The following GOLGA4 variants were observed in gnomAD, a reference collection of about 807,000 sequenced individuals.
The protein encoded by GOLGA4 is golgin A4.
GOLGA4 carries 169 observed loss-of-function variants against 265.9 expected under a neutral mutation model. The ratio of observed to expected loss-of-function variants is 0.64; its 90% CI spans 0.56 to 0.72. GOLGA4 has a LOEUF of 0.72. Among genes scored for constraint, GOLGA4 ranks in the 30% least tolerant of loss-of-function variants. The probability of loss-of-function intolerance (pLI) is 0.00; values close to 1 mark genes in which losing one functional copy is unlikely to be tolerated. For missense variants in GOLGA4, 2,482 were observed against 2,483.4 expected, an observed-to-expected ratio of 1.00 and a Z score of 0.01; for synonymous variants, 923 against 855.8, an observed-to-expected ratio of 1.08 and a Z score of -1.37.
chr3:37,250,617 C>T (rs749604573), intron 1 of GOLGA4: 1 of 152,122 alleles, frequency 6.6e-6, no homozygotes, highest in Non-Finnish European at 1.5e-5. Flanking sequence ...GGTAAGATAT[C>T]ATGACTCATT....
intron 2 of GOLGA4, among the ~76,000 whole-genome samples, chr3:37,253,698 C>T (rs2096740218): frequency 6.6e-6 from 1 of 151,680 alleles, no homozygotes; most frequent in Non-Finnish European, 1.5e-5. Context: ...TTAAAGCATC[C>T]TAGATTTTTA....
chr3:37,294,028 G>T (rs962777840), intron 5 of GOLGA4, among the ~76,000 whole-genome samples: 2 of 152,088 alleles, frequency 1.3e-5, no homozygotes, highest in East Asian at 1.9e-4. Context: ...TGAAACCACC[G>T]TCATATGTGT....
intron 18 of GOLGA4, 115 bp downstream of exon 18, chr3:37,337,278 C>A (rs765303634): frequency 1.2e-5 from 8 of 645,666 alleles, no homozygotes; most frequent in Non-Finnish European, 2.2e-5. Context: ...TGGCTCACTG[C>A]AACCTCTGCC....
intron 20 of GOLGA4, among the ~76,000 whole-genome samples, chr3:37,340,839 T>C (rs2097031242): frequency 6.6e-6 from 1 of 152,150 alleles, no homozygotes; most frequent in Non-Finnish European, 1.5e-5. Flanking sequence ...ACAATGAATA[T>C]ATTTTACCTT....
chr3:37,346,459 A>G (rs887642427), intron 20 of GOLGA4, among the ~76,000 whole-genome samples: 1 of 152,140 alleles, frequency 6.6e-6, no homozygotes, highest in African/African-American at 2.4e-5. Flanking sequence ...TTTATCTAAT[A>G]TTATTTTGAG....
intron 5 of GOLGA4, 37 bp downstream of exon 5, chr3:37,289,328 T>G (rs747883554): frequency 1.7e-6 from 2 of 1,211,788 alleles, no homozygotes; most frequent in South Asian, 1.3e-5. Context: ...AAATAGTAAT[T>G]AAATCTCATA....
chr3:37,294,434 G>A lies in GOLGA4; in HGVS notation c.583-545G>A, dbSNP rs567096577. ...CAAGCCTCACTCTATTACCCAGGCT[G>A]GAGTGCAGTGGCAAGCCTCAACTCA... On this transcript the variant is annotated intron_variant, in intron 5 of 23. Transcript: ENST00000361924. Among the ~76,000 whole-genome samples the A allele has an allele frequency of 1.1e-3, 161 of 147,008 alleles. 1 individual carries two copies. Among genetic ancestry groups the A allele is most frequent in the African/African-American group, 3.9e-3 (156 of 39,822 alleles).
intron 2 of GOLGA4, chr3:37,275,989 C>T (rs2096816863): frequency 6.2e-7 from 1 of 1,613,476 alleles, no homozygotes; most frequent in South Asian, 1.1e-5. Context: ...CATCGCAGAA[C>T]AGCCCTGAGG....
intron 7 of GOLGA4, among the ~76,000 whole-genome samples, chr3:37,298,473 T>C (rs1319726165): frequency 1.3e-5 from 2 of 152,168 alleles, no homozygotes; most frequent in Non-Finnish European, 2.9e-5. Context: ...CAAGCAGTGA[T>C]ATTAGGAGCA....
At chr3:37,305,597 T>C (rs1162125095) in intron 10 of GOLGA4, among the ~76,000 whole-genome samples, 1 of 152,176 alleles carries the variant, frequency 6.6e-6, no homozygotes, top group African/African-American at 2.4e-5. Context: ...TATTGGAAAA[T>C]TCAATTGCTC....
In GOLGA4 at chr3:37,327,772, A is replaced by G. The variant is rs760263732; in HGVS notation, c.5886A>G (p.Gln1962=). 6.2e-7 allele frequency: 1 copy of G among 1,612,296 alleles called. No homozygotes were observed. Among genetic ancestry groups the G allele is most frequent in the South Asian group, 1.1e-5 (1 of 90,852 alleles). Residue 1962 remains glutamine (Q), a synonymous_variant, in exon 14 of 24, where the codon CAA becomes CAG. Coordinates refer to ENST00000361924, the MANE Select transcript of GOLGA4 (RefSeq NM_002078.5). ...GAATGTTGAGAAAGGAGCATCAGCA[A>G]GAATTGGAAATACTAAAGAAAGAAT... ...DLRMLRKEHQ[Q]ELEILKKEYD...
intron 2 of GOLGA4, among the ~76,000 whole-genome samples, chr3:37,257,771 ACTT>A (rs1480672080): frequency 6.8e-4 from 103 of 150,824 alleles, no homozygotes; most frequent in African/African-American, 2.5e-3. Flanking sequence ...TTCCTGAGAC[ACTT>A]CCTTATTTAT....
At chr3:37,341,714 G>A (rs1330752939) in intron 20 of GOLGA4, 1 of 152,006 alleles carries the variant, frequency 6.6e-6, no homozygotes, top group Admixed American at 6.6e-5. Flanking sequence ...GCAGGGTCAG[G>A]CCTGGTTACT....
At chr3:37,355,676 TA>T (rs2097089127) in intron 22 of GOLGA4, among the ~76,000 whole-genome samples, 1 of 152,114 alleles carries the variant, frequency 6.6e-6, no homozygotes, top group Admixed American at 6.6e-5. Flanking sequence ...GAATTATTTT[TA>T]AAAACATAGT....
intron 22 of GOLGA4, among the ~76,000 whole-genome samples, chr3:37,358,486 T>G (rs2097096154): frequency 2.0e-5 from 3 of 152,192 alleles, no homozygotes; most frequent in African/African-American, 7.2e-5. Context: ...CTGGTTTATT[T>G]GAGGGTCTTG....
Position 37,355,164 on chromosome 3 carries a change from G to A in GOLGA4, c.6640G>A (p.Glu2214Lys). Reference sequence around the variant, plus strand: ...TGATGATCAGACTCAGAAAATTTTGGAAAGAGAAGATGCTCGGCTGATGGT... The same window carrying A: ...TGATGATCAGACTCAGAAAATTTTGAAAAGAGAAGATGCTCGGCTGATGGT... ...FPDDQTQKIL[E>K]REDARLMFTS... Residue 2214 changes from glutamate (E) to lysine (K), a missense_variant, in exon 22 of 24, where the codon GAA becomes AAA. Transcript: ENST00000361924. The A allele has an allele frequency of 6.2e-7, 1 of 1,600,688 alleles. No individual in the cohort carries two copies. The highest frequency in any genetic ancestry group is 1.1e-5 in the South Asian group (1 of 90,842).
intron 23 of GOLGA4, among the ~76,000 whole-genome samples, chr3:37,362,487 G>A (rs1281216247): frequency 6.6e-6 from 1 of 150,980 alleles, no homozygotes; most frequent in African/African-American, 2.4e-5. Flanking sequence ...TGATCCGCCC[G>A]CCTCGGCCTC....
intron 1 of GOLGA4, among the ~76,000 whole-genome samples, chr3:37,244,563 A>G (rs963788820): frequency 2.0e-5 from 3 of 152,228 alleles, no homozygotes; most frequent in African/African-American, 7.2e-5. Context: ...CAGACTGAGC[A>G]GATCTGTCCC....
At chr3:37,300,352 A>G in intron 9 of GOLGA4, among the ~76,000 whole-genome samples, 1 of 152,192 alleles carries the variant, frequency 6.6e-6, no homozygotes, top group South Asian at 2.1e-4. Flanking sequence ...TTATCACTAG[A>G]GTATTTTAAG....
Sources: allele counts gnomAD v4.1 joint callset (sites outside exome capture counted in the v4.1 genomes callset), GRCh38; gene constraint gnomAD v4.1.1; transcripts MANE v1.5; gene names NCBI Gene and HGNC (gene_info 2026-07-23, HGNC 2026-07-21).